The following DOCK3 variants were observed in gnomAD, a reference collection of about 807,000 sequenced individuals.
The protein encoded by DOCK3 is dedicator of cytokinesis 3, also known as dedicator of cytokinesis protein 3.
A neutral mutation model predicts 265.6 loss-of-function variants in DOCK3; 60 were observed. The ratio of observed to expected loss-of-function variants is 0.23; its 90% CI spans 0.18 to 0.28. The LOEUF (loss-of-function observed/expected upper bound fraction) is 0.28. Ranked by LOEUF, DOCK3 falls within the 10% of genes least tolerant of loss-of-function variation. The pLI, the probability that DOCK3 is intolerant of heterozygous loss-of-function variation, is 1.00. For missense variants in DOCK3, 1,981 were observed against 2,594.3 expected, an observed-to-expected ratio of 0.76 and a Z score of 5.14; for synonymous variants, 881 against 938.0, an observed-to-expected ratio of 0.94 and a Z score of 1.11.
intron 5 of DOCK3, among the ~76,000 whole-genome samples, chr3:50,978,049 A>T (rs2077533393): frequency 6.6e-6 from 1 of 151,576 alleles, no homozygotes; most frequent in African/African-American, 2.4e-5. Flanking sequence ...CTTCTTCTAA[A>T]TTTTTTTCAA....
At chr3:51,039,850 C>T (rs984572925) in intron 5 of DOCK3, among the ~76,000 whole-genome samples, 8 of 148,114 alleles carry the variant, frequency 5.4e-5, no homozygotes, top group African/African-American at 1.2e-4. Flanking sequence ...TAATCACCCT[C>T]GGGTTTCTGC....
At chr3:50,937,498 C>A (rs998050360) in intron 5 of DOCK3, among the ~76,000 whole-genome samples, 1 of 151,656 alleles carries the variant, frequency 6.6e-6, no homozygotes, top group Non-Finnish European at 1.5e-5. Context: ...ACTAAAAATA[C>A]AAAAAAATTA....
At chr3:50,690,726 T>G (rs1354723950) in intron 1 of DOCK3, among the ~76,000 whole-genome samples, 1 of 151,542 alleles carries the variant, frequency 6.6e-6, no homozygotes, top group Non-Finnish European at 1.5e-5. Flanking sequence ...CACTGCAACC[T>G]CTGCCTCCTG....
At position 50,968,700 on chromosome 3, in the gene DOCK3, C is replaced by G. The variant is rs1473146817; in HGVS notation, c.315+34623C>G. On this transcript the variant is annotated intron_variant, in intron 5 of 52. Coordinates refer to ENST00000266037, the MANE Select transcript of DOCK3 (RefSeq NM_004947.5). The stretch of plus-strand genomic sequence containing the variant: ...GAGTAGTTGGGACAACAGGTGTGCA[C>G]CACCACGCCCAGCTAATTTTTGTAT... Among the ~76,000 whole-genome samples, 3 of 152,166 alleles carry G rather than the reference C, an allele frequency of 2.0e-5. No individual in the cohort carries two copies. The East Asian group carries it at 5.8e-4, about 29-fold the overall frequency.
rs554002516 is a variant in DOCK3 at position 51,218,665 on chromosome 3, A to G, written c.1252+4418A>G. The stretch of plus-strand genomic sequence containing the variant: ...TAAGACTTGAATTTCTAAGGTTATC[A>G]TTGATTGTAGGTGATATGAGCCAAA... On this transcript the variant is annotated intron_variant, in intron 14 of 52. Coordinates refer to ENST00000266037, the MANE Select transcript of DOCK3 (RefSeq NM_004947.5). Among the ~76,000 whole-genome samples the G allele has an allele frequency of 8.9e-4, 135 of 152,350 alleles. 1 individual carries two copies. The highest frequency in any genetic ancestry group is 3.2e-3 in the African/African-American group (131 of 41,584).
At chr3:50,904,431 C>G (rs558967778) in intron 4 of DOCK3, among the ~76,000 whole-genome samples, 23 of 152,288 alleles carry the variant, frequency 1.5e-4, no homozygotes, top group Non-Finnish European at 2.9e-4. Context: ...CCTGTTGTTT[C>G]CTGAGTTTTT....
intron 5 of DOCK3, among the ~76,000 whole-genome samples, chr3:51,032,880 C>G (rs2080110950): frequency 6.6e-6 from 1 of 151,974 alleles, no homozygotes; most frequent in Admixed American, 6.6e-5. Flanking sequence ...CCAGTGTACC[C>G]CAGTCTGGAT....
At chr3:51,095,851 CAAAA>C (rs71278627) in intron 9 of DOCK3, among the ~76,000 whole-genome samples, 41 of 9,806 alleles carry the variant, frequency 4.2e-3, no homozygotes, top group African/African-American at 0.01. Flanking sequence ...ATAAGGTTAG[CAAAA>C]AAAAAAAAAA....
chr3:51,038,645 T>G (rs996822262), intron 5 of DOCK3, among the ~76,000 whole-genome samples: 2 of 152,372 alleles, frequency 1.3e-5, no homozygotes, highest in African/African-American at 4.8e-5. Context: ...TCTCACTGTA[T>G]AGTGATAACT....
chr3:51,086,128 A>G (rs924332913), intron 7 of DOCK3, among the ~76,000 whole-genome samples: 1 of 152,246 alleles, frequency 6.6e-6, no homozygotes, highest in African/African-American at 2.4e-5. Flanking sequence ...CATTGTTTCT[A>G]TAGATTATAG....
At chr3:51,227,920 G>C (rs1437137753) in intron 16 of DOCK3, 62 bp from the exon 17 acceptor site, 5 of 1,517,114 alleles carry the variant, frequency 3.3e-6, no homozygotes, top group Admixed American at 1.8e-5. Context: ...AGCACAAGGA[G>C]AATTTCCATG....
intron 23 of DOCK3, among the ~76,000 whole-genome samples, chr3:51,262,892 C>A (rs546192002): frequency 1.2e-4 from 18 of 152,308 alleles, no homozygotes; most frequent in Admixed American, 9.8e-4. Flanking sequence ...AAGGAACAAA[C>A]AAAGCCTCCA....
intron 1 of DOCK3, among the ~76,000 whole-genome samples, chr3:50,726,320 CAG>C (rs1323599897): frequency 6.6e-6 from 1 of 152,020 alleles, no homozygotes; most frequent in Non-Finnish European, 1.5e-5. Flanking sequence ...GGGCAAGCAG[CAG>C]AGAGACTGAA....
At chr3:50,763,608 A>T (rs1325957656) in intron 1 of DOCK3, among the ~76,000 whole-genome samples, 2 of 152,042 alleles carry the variant, frequency 1.3e-5, no homozygotes, top group Non-Finnish European at 2.9e-5. Flanking sequence ...GTCAGTTTTG[A>T]TCATATGTTT....
rs116592220 is a variant in DOCK3 at position 51,120,992 on chromosome 3, G to A, written c.747-25557G>A. On this transcript the variant is annotated intron_variant, in intron 9 of 52. Coordinates refer to ENST00000266037, the MANE Select transcript of DOCK3 (RefSeq NM_004947.5). Reference sequence around the variant, plus strand: ...GAGTGAATGGTTCTGTCTCACTGGCGTTTCAGGCACCACTGGGGTATGGAA... The same window carrying A: ...GAGTGAATGGTTCTGTCTCACTGGCATTTCAGGCACCACTGGGGTATGGAA... 3.8e-3 allele frequency among the ~76,000 whole-genome samples: 578 copies of A among 152,102 alleles called. 4 individuals are homozygous for A. Among genetic ancestry groups the A allele is most frequent in the African/African-American group, 0.013 (538 of 41,486 alleles).
chr3:51,222,738 T>C (rs1039357200), intron 14 of DOCK3, among the ~76,000 whole-genome samples: 1 of 152,150 alleles, frequency 6.6e-6, no homozygotes, highest in African/African-American at 2.4e-5. Flanking sequence ...TATTGATAAA[T>C]TTTCTCAGCT....
intron 2 of DOCK3, among the ~76,000 whole-genome samples, chr3:50,817,989 A>T (rs974689641): frequency 2.0e-5 from 3 of 152,114 alleles, no homozygotes; most frequent in African/African-American, 7.2e-5. Flanking sequence ...TTATGCATGG[A>T]GGTAGAAGCC....
At chr3:50,950,636 A>G (rs2076563945) in intron 5 of DOCK3, among the ~76,000 whole-genome samples, 1 of 151,954 alleles carries the variant, frequency 6.6e-6, no homozygotes, top group Non-Finnish European at 1.5e-5. Flanking sequence ...TTCCCCTCCT[A>G]ATTCTAGGAG....
At chr3:50,850,975 C>A (rs2046332152) in intron 3 of DOCK3, among the ~76,000 whole-genome samples, 1 of 151,680 alleles carries the variant, frequency 6.6e-6, no homozygotes, top group Non-Finnish European at 1.5e-5. Flanking sequence ...TGCTCAGTCC[C>A]AGGGAAGTGG....
Sources: gnomAD v4.1 joint callset for allele counts (sites outside exome capture counted in the v4.1 genomes callset) on GRCh38, gnomAD v4.1.1 for gene constraint, MANE v1.5 for transcripts, NCBI Gene and HGNC (gene_info 2026-07-23, HGNC 2026-07-21) for gene names.